Variants in VWA8 observed in about 807,000 individuals in gnomAD.
VWA8 encodes the protein von Willebrand factor A domain-containing protein 8.
A neutral mutation model predicts 241.5 loss-of-function variants in VWA8; 221 were observed. The observed-to-expected ratio is 0.91, with a 90% CI of 0.82 to 1.02. The LOEUF is 1.02. Among genes scored for constraint, VWA8 ranks in the 50% least tolerant of loss-of-function variants. The pLI, the probability that VWA8 is intolerant of heterozygous loss-of-function variation, is 0.00. For synonymous variants in VWA8, 852 were observed against 827.1 expected (o/e 1.03, Z -0.52); for missense variants, 2,322 against 2,328.7 (o/e 1.00, Z 0.06).
intron 17 of VWA8, among the ~76,000 whole-genome samples, chr13:41,809,343 C>T (rs1015105055): frequency 6.6e-5 from 10 of 152,126 alleles, no homozygotes; most frequent in East Asian, 3.8e-4. Flanking sequence ...AATCATATTA[C>T]CTGACTTCAA....
intron 1 of VWA8, among the ~76,000 whole-genome samples, chr13:41,955,593 A>G (rs759311092): frequency 5.3e-5 from 8 of 152,238 alleles, no homozygotes; most frequent in Non-Finnish European, 8.8e-5. Flanking sequence ...AAGTAAGTCC[A>G]TTAAGTTGGT....
chr13:41,947,533 T>C (rs377237924), intron 2 of VWA8, among the ~76,000 whole-genome samples: 2 of 152,206 alleles, frequency 1.3e-5, no homozygotes, highest in African/African-American at 4.8e-5. Flanking sequence ...TGTCTGACTA[T>C]GGCTGTAATA....
At chr13:41,876,428 C>T (rs1160933945) in intron 9 of VWA8, among the ~76,000 whole-genome samples, 1 of 152,168 alleles carries the variant, frequency 6.6e-6, no homozygotes, top group Admixed American at 6.6e-5. Context: ...CCTACAGTTC[C>T]CAGGTGTGCT....
chr13:41,849,655 G>A (rs1566480763), intron 12 of VWA8, among the ~76,000 whole-genome samples: 2 of 152,186 alleles, frequency 1.3e-5, no homozygotes, highest in African/African-American at 2.4e-5. Flanking sequence ...TTGGGAGGCC[G>A]AGGCCGGTGG....
intron 2 of VWA8, among the ~76,000 whole-genome samples, chr13:41,947,745 A>T (rs1180776988): frequency 6.6e-6 from 1 of 151,776 alleles, no homozygotes; most frequent in African/African-American, 2.4e-5. Flanking sequence ...GACCAGCCTG[A>T]TCAATGTGGT....
chr13:41,783,491 A>C (rs1868988315), intron 19 of VWA8, among the ~76,000 whole-genome samples: 1 of 151,994 alleles, frequency 6.6e-6, no homozygotes, highest in Non-Finnish European at 1.5e-5. Flanking sequence ...TACAAAAATT[A>C]GCCAGGCATG....
At chr13:41,871,564 T>C (rs1299029744) in intron 9 of VWA8, among the ~76,000 whole-genome samples, 1 of 152,188 alleles carries the variant, frequency 6.6e-6, no homozygotes, top group East Asian at 1.9e-4. Context: ...TGTTTGGTTT[T>C]TTGTTCTTGC....
At chr13:41,885,822 G>A (rs1416266194) in intron 8 of VWA8, 98 bp downstream of exon 8, 1 of 802,036 alleles carries the variant, frequency 1.2e-6, no homozygotes, top group East Asian at 2.8e-5. Flanking sequence ...TTATAGAAGA[G>A]TATGACAAAA....
chr13:41,800,766 C>T lies in VWA8; in HGVS notation c.2063+10459G>A, dbSNP rs148672628. 1.4e-3 allele frequency among the ~76,000 whole-genome samples: 205 copies of T among 142,410 alleles called. 4 individuals carry two copies. The East Asian group carries it at 0.038, about 27-fold the overall frequency. The allele number at this position is 142,410 out of a possible 152,430, so 93.4% of individuals were successfully genotyped here. A position where few individuals can be genotyped will look rare whatever the true frequency, so the allele number is the denominator to read the frequency against. Reference sequence around the variant, plus strand: ...TGAGATGGCGCCACTGCACTCCAGTCTGGGTGACAGAGCGAGACTCCATCT... The same window carrying T: ...TGAGATGGCGCCACTGCACTCCAGTTTGGGTGACAGAGCGAGACTCCATCT... On this transcript the variant is annotated intron_variant, in intron 17 of 44. Transcript: ENST00000379310.
chr13:41,626,136 G>C (rs200052712), intron 37 of VWA8, among the ~76,000 whole-genome samples: 1,429 of 115,018 alleles, frequency 0.012, no homozygotes, highest in South Asian at 0.021. Context: ...AATGCTAAAT[G>C]ACGAGTTAAT....
chr13:41,796,787 T>TAA (rs76339210), intron 17 of VWA8, among the ~76,000 whole-genome samples: 3 of 142,150 alleles, frequency 2.1e-5, no homozygotes, highest in African/African-American at 2.6e-5. Flanking sequence ...GTTTAAAACT[T>TAA]AAAAAAAAAA....
At chr13:41,701,671 T>A in intron 27 of VWA8, 141 bp from the exon 28 acceptor site, 1 of 693,742 alleles carries the variant, frequency 1.4e-6, no homozygotes, top group Non-Finnish European at 2.1e-6. Flanking sequence ...TTGACAGGCT[T>A]AGTACTCATA....
chr13:41,715,275 A>G (rs750202777), intron 26 of VWA8, among the ~76,000 whole-genome samples: 19 of 152,122 alleles, frequency 1.2e-4, no homozygotes, highest in Non-Finnish European at 2.2e-4. Context: ...AAATATAATC[A>G]TAACATTGTT....
chr13:41,598,840 T>A (rs575472851), intron 40 of VWA8, among the ~76,000 whole-genome samples: 5 of 149,362 alleles, frequency 3.3e-5, no homozygotes, highest in East Asian at 3.9e-4. Context: ...TTTTTTTTTT[T>A]AATTTTTGAA....
At chr13:41,761,265 CA>C in intron 20 of VWA8, 61 bp from the exon 21 acceptor site, 1 of 1,498,644 alleles carries the variant, frequency 6.7e-7, no homozygotes. Flanking sequence ...AAGCTTATGC[CA>C]AATCAGAAGA....
chr13:41,787,639 CCTT>C, intron 17 of VWA8, 96 bp from the exon 18 acceptor site: 54 of 755,118 alleles, frequency 7.2e-5, no homozygotes, highest in Middle Eastern at 2.4e-4. Context: ...CACACACACT[CCTT>C]ACTAATTACA....
Position 41,750,040 on chromosome 13 carries a change from A to G in VWA8, c.2426+11088T>C, listed in dbSNP as rs568216078. 3.6e-4 allele frequency among the ~76,000 whole-genome samples: 55 copies of G among 152,102 alleles called. No individual in the cohort carries two copies. In the South Asian group the frequency reaches 0.011, roughly 29 times the overall value. On this transcript the variant is annotated intron_variant, in intron 21 of 44. Coordinates refer to ENST00000379310, the MANE Select transcript of VWA8 (RefSeq NM_015058.2). Reference sequence around the variant, plus strand: ...AAGTATATTAAAAAAAAAGAAATATATTTTATAAGGCCATGGTTGCCATAG... The same window carrying G: ...AAGTATATTAAAAAAAAAGAAATATGTTTTATAAGGCCATGGTTGCCATAG...
intron 26 of VWA8, among the ~76,000 whole-genome samples, chr13:41,708,359 C>T (rs1282890712): frequency 2.0e-5 from 3 of 150,570 alleles, no homozygotes; most frequent in African/African-American, 7.3e-5. Flanking sequence ...GAAATTTGGT[C>T]TTAAAAAAAA....
chr13:41,739,651 A>C (rs2045551187), intron 21 of VWA8, among the ~76,000 whole-genome samples: 1 of 152,164 alleles, frequency 6.6e-6, no homozygotes. Flanking sequence ...TACCTTAAAG[A>C]AAATCAGTGT....
Sources: gnomAD v4.1 joint callset for allele counts (sites outside exome capture counted in the v4.1 genomes callset) on GRCh38, gnomAD v4.1.1 for gene constraint, MANE v1.5 for transcripts, NCBI Gene and HGNC (gene_info 2026-07-23, HGNC 2026-07-21) for gene names.